LRRN1: variants seen among roughly 807,000 people sequenced by gnomAD.
LRRN1 encodes leucine rich repeat neuronal 1.
In LRRN1, 14 loss-of-function variants were observed where a neutral mutation model predicts 45.8. The ratio of observed to expected loss-of-function variants is 0.31; its 90% CI spans 0.20 to 0.48. LRRN1 has a LOEUF of 0.48. Ranked by LOEUF, LRRN1 falls within the 20% of genes least tolerant of loss-of-function variation. LRRN1 has a pLI of 0.99. For missense variants in LRRN1, 789 were observed against 874.2 expected (o/e 0.90, Z 1.23); for synonymous variants, 359 against 330.1 (o/e 1.09, Z -0.95).
At chr3:3,805,737 G>A (rs1692737300) in intron 1 of LRRN1, among the ~76,000 whole-genome samples, 1 of 152,126 alleles carries the variant, frequency 6.6e-6, no homozygotes, top group South Asian at 2.1e-4. Flanking sequence ...AGCATTGACA[G>A]TTTCTCACCA....
At chr3:3,818,340 T>C (rs1351835730) in intron 1 of LRRN1, among the ~76,000 whole-genome samples, 2 of 152,306 alleles carry the variant, frequency 1.3e-5, no homozygotes, top group Non-Finnish European at 2.9e-5. Context: ...GATTTCATGG[T>C]AGTTTTTAAT....
intron 1 of LRRN1, among the ~76,000 whole-genome samples, chr3:3,802,993 A>G (rs112674422): frequency 3.0e-5 from 1 of 33,558 alleles, no homozygotes; most frequent in African/African-American, 6.4e-5. Context: ...AAAGTGTTTA[A>G]TTATTAGAAA....
intron 1 of LRRN1, among the ~76,000 whole-genome samples, chr3:3,809,081 G>T (rs1224147613): frequency 1.3e-5 from 2 of 152,018 alleles, no homozygotes; most frequent in African/African-American, 4.8e-5. Flanking sequence ...GATTAATTTT[G>T]AAAAAATTAC....
intron 1 of LRRN1, among the ~76,000 whole-genome samples, chr3:3,834,316 G>A (rs1487168745): frequency 1.3e-5 from 2 of 151,456 alleles, no homozygotes; most frequent in Non-Finnish European, 2.9e-5. Flanking sequence ...TTTTGCATAA[G>A]TCTCTAAATA....
intron 1 of LRRN1, among the ~76,000 whole-genome samples, chr3:3,833,595 G>A (rs906881347): frequency 6.6e-6 from 1 of 152,122 alleles, no homozygotes; most frequent in African/African-American, 2.4e-5. Flanking sequence ...CACCTCCAGG[G>A]GCCCATCGGG....
Position 3,845,815 on chromosome 3 carries a change from A to C in LRRN1, c.1174A>C (p.Met392Leu). 6.2e-7 allele frequency: 1 copy of C among 1,614,164 alleles called. No homozygotes were observed. Among genetic ancestry groups the C allele is most frequent in the Non-Finnish European group, 8.5e-7 (1 of 1,180,028 alleles). Residue 392 changes from methionine to leucine, a missense_variant, in exon 2 of 2, where the codon ATG (methionine) becomes CTG (leucine). By Grantham distance (15) the Met-to-Leu change is conservative (BLOSUM62 2). Coordinates refer to ENST00000319331, the MANE Select transcript of LRRN1 (RefSeq NM_020873.7). This position sits in a 1 kb window ranked among gnomAD's most constrained non-coding sequence, Gnocchi z 6.5. Reference protein sequence around the residue: ...INSNKTNIRFMEPLSMFCAMP... With the variant: ...INSNKTNIRFLEPLSMFCAMP... Reference sequence around the variant, plus strand: ...CTCCAACAAAACCAACATCCGCTTCATGGAGCCCCTGTCCATGTTCTGTGC... The same window carrying C: ...CTCCAACAAAACCAACATCCGCTTCCTGGAGCCCCTGTCCATGTTCTGTGC...
At position 3,799,530 on chromosome 3, in the gene LRRN1, G is replaced by A. The variant is rs1692592486; in HGVS notation, c.-668G>A. ...GCAAGCGCCCGCCTGGCGGGGAGAG[G>A]GGCCGACGGCGTCAGCCCGGGCGGC... is the stretch of plus-strand genomic sequence containing the variant. On this transcript the variant is annotated 5_prime_UTR_variant, in exon 1 of 2. Coordinates refer to ENST00000319331, the MANE Select transcript of LRRN1 (RefSeq NM_020873.7). 6.6e-6 allele frequency: 1 copy of A among 151,968 alleles called. No individual in the cohort carries two copies. The highest frequency in any genetic ancestry group is 1.5e-5 in the Non-Finnish European group (1 of 67,982). The allele number at this position is 151,968 out of a possible 1,614,324, so 9.4% of individuals were successfully genotyped here. A position where few individuals can be genotyped will look rare whatever the true frequency, so the allele number is the denominator to read the frequency against.
rs1693784249 is a variant in LRRN1 at position 3,846,590 on chromosome 3, T to G, written c.1949T>G (p.Val650Gly). The G allele has an allele frequency of 2.5e-6, 4 of 1,614,034 alleles. No homozygotes were observed. Among genetic ancestry groups the G allele is most frequent in the South Asian group, 1.1e-5 (1 of 91,092 alleles). Residue 650 changes from valine (V) to glycine (G), a missense_variant, in exon 2 of 2, where the codon GTG (valine) becomes GGG (glycine). Coordinates refer to ENST00000319331, the MANE Select transcript of LRRN1 (RefSeq NM_020873.7). The surrounding 1 kb of genome is among the most constrained non-coding windows in gnomAD (Gnocchi z 5.7). Reference sequence around the variant, plus strand: ...GTCATTAGCCTTGCGTCCATTGCTGTGTACTTTGCCAAAAGATTTAAGAGA... The same window carrying G: ...GTCATTAGCCTTGCGTCCATTGCTGGGTACTTTGCCAAAAGATTTAAGAGA... ...FAVISLASIA[V>G]YFAKRFKRKN...
intron 1 of LRRN1, among the ~76,000 whole-genome samples, chr3:3,839,586 C>T (rs1432688138): frequency 6.6e-6 from 1 of 152,038 alleles, no homozygotes; most frequent in Non-Finnish European, 1.5e-5. Flanking sequence ...GACAGTATGA[C>T]AATATTAAAT....
At chr3:3,801,984 G>A (rs534353774) in intron 1 of LRRN1, among the ~76,000 whole-genome samples, 1 of 152,288 alleles carries the variant, frequency 6.6e-6, no homozygotes, top group African/African-American at 2.4e-5. Context: ...GTAGAAGATC[G>A]TTGTCGTTGA....
Position 3,846,948 on chromosome 3 carries a change from G to T in LRRN1, c.*156G>T. On this transcript the variant is annotated 3_prime_UTR_variant, in exon 2 of 2. Transcript: ENST00000319331. The surrounding 1 kb of genome is among the most constrained non-coding windows in gnomAD (Gnocchi z 5.7). ...GGATATTTCAAATTTTTTTAGTATA[G>T]CGTATCGCAAGGGTTTGACACGGCT... 1.6e-6 allele frequency: 1 copy of T among 611,402 alleles called. No homozygotes were observed. The highest frequency in any genetic ancestry group is 3.4e-5 in the Admixed American group (1 of 29,610). The allele number at this position is 611,402 out of a possible 1,614,324, so 37.9% of individuals were successfully genotyped here.
intron 1 of LRRN1, among the ~76,000 whole-genome samples, chr3:3,821,968 C>T (rs951558634): frequency 2.0e-5 from 3 of 152,168 alleles, no homozygotes; most frequent in East Asian, 3.9e-4. Context: ...TGCACACTCT[C>T]ATATGGCATA....
intron 1 of LRRN1, among the ~76,000 whole-genome samples, chr3:3,809,363 C>T (rs1241949240): frequency 6.6e-6 from 1 of 152,136 alleles, no homozygotes; most frequent in Non-Finnish European, 1.5e-5. Flanking sequence ...AGGCTGGTCT[C>T]GGACTCCTGA....
At chr3:3,813,579 C>G (rs1692927368) in intron 1 of LRRN1, among the ~76,000 whole-genome samples, 1 of 152,094 alleles carries the variant, frequency 6.6e-6, no homozygotes, top group African/African-American at 2.4e-5. Flanking sequence ...CCCTTGAGAT[C>G]TTAAGTCTTC....
At chr3:3,843,225 C>T (rs1328469373) in intron 1 of LRRN1, among the ~76,000 whole-genome samples, 1 of 152,128 alleles carries the variant, frequency 6.6e-6, no homozygotes, top group East Asian at 1.9e-4. Context: ...GTTATATAAA[C>T]ATGTTCATGG....
chr3:3,823,914 G>A (rs1286153018), intron 1 of LRRN1, among the ~76,000 whole-genome samples: 1 of 152,160 alleles, frequency 6.6e-6, no homozygotes, highest in Non-Finnish European at 1.5e-5. Context: ...ACCTGGAGCT[G>A]GAGCCCTAGT....
In LRRN1 at chr3:3,845,328, T is replaced by C; in HGVS notation, c.687T>C (p.Asp229=). The change falls in exon 2 of 2, where the codon GAT becomes GAC. Residue 229 remains aspartate, a synonymous_variant. Coordinates refer to ENST00000319331, the MANE Select transcript of LRRN1 (RefSeq NM_020873.7). The surrounding 1 kb of genome is among the most constrained non-coding windows in gnomAD (Gnocchi z 6.5). ...SLVLAGMYLT[D]IPGNALVGLD... ...TTTTGGCAGGAATGTATCTCACTGA[T>C]ATTCCTGGAAATGCTTTGGTGGGTC... 1 of 1,614,136 alleles carries C rather than the reference T, an allele frequency of 6.2e-7. No homozygotes were observed. Among genetic ancestry groups the C allele is most frequent in the Non-Finnish European group, 8.5e-7 (1 of 1,180,018 alleles).
intron 1 of LRRN1, among the ~76,000 whole-genome samples, chr3:3,815,243 G>A (rs1427794497): frequency 1.3e-5 from 2 of 152,188 alleles, no homozygotes; most frequent in East Asian, 1.9e-4. Context: ...CTCCAAAAAG[G>A]TAAGCCCTCC....
In LRRN1 at chr3:3,847,768, G is replaced by T. The variant is rs1048401394; in HGVS notation, c.*976G>T. 1.2e-5 allele frequency: 2 copies of T among 166,524 alleles called. No individual in the cohort carries two copies. Among genetic ancestry groups the T allele is most frequent in the Admixed American group, 1.3e-4 (2 of 15,276 alleles). The allele number at this position is 166,524 out of a possible 1,614,324, so 10.3% of individuals were successfully genotyped here. ...AAAGGTTTTAATTCTTTTTCTAAGG[G>T]AAGAAATGTCTATTTTAATTAAGAT... is the stretch of plus-strand genomic sequence containing the variant. On this transcript the variant is annotated 3_prime_UTR_variant, in exon 2 of 2. Coordinates refer to ENST00000319331, the MANE Select transcript of LRRN1 (RefSeq NM_020873.7).
Sources: allele counts gnomAD v4.1 joint callset (sites outside exome capture counted in the v4.1 genomes callset), GRCh38; gene constraint gnomAD v4.1.1; non-coding constraint Gnocchi (gnomAD v3.1); transcripts MANE v1.5; gene names NCBI Gene and HGNC (gene_info 2026-07-23, HGNC 2026-07-21).